Variants in TINAG observed in about 807,000 individuals in gnomAD.
The protein encoded by TINAG is tubulointerstitial nephritis antigen.
A neutral mutation model predicts 72.7 loss-of-function variants in TINAG; 83 were observed. The ratio of observed to expected loss-of-function variants is 1.14; its 90% CI spans 0.96 to 1.37. The LOEUF is 1.37. TINAG is among the 40% of genes most tolerant of loss of function. The probability of loss-of-function intolerance (pLI) is 0.00; values close to 1 mark genes in which losing one functional copy is unlikely to be tolerated. For synonymous variants in TINAG, 234 were observed against 189.9 expected (o/e 1.23, Z -1.91); for missense variants, 685 against 576.6 (o/e 1.19, Z -1.93).
intron 1 of TINAG, among the ~76,000 whole-genome samples, chr6:54,319,649 C>T (rs1347992154): frequency 1.3e-5 from 2 of 152,064 alleles, no homozygotes; most frequent in African/African-American, 4.8e-5. Context: ...GGCTTTGTAA[C>T]ATTATGGCTA....
chr6:54,323,413 T>C (rs1784536390), intron 3 of TINAG, among the ~76,000 whole-genome samples: 1 of 152,220 alleles, frequency 6.6e-6, no homozygotes, highest in Non-Finnish European at 1.5e-5. Context: ...TGTTTTTATG[T>C]GTAAAAATAT....
rs752620313 is a variant in TINAG, at chr6:54,308,808, C to G, written c.258C>G (p.Phe86Leu). The stretch of plus-strand genomic sequence containing the variant: ...ATGCGTTGTGCTACTGTGATAAATT[C>G]TGTGACAGAGAAAATTCTGATTGCT... ...AANALCYCDK[F>L]CDRENSDCCP... Residue 86 changes from phenylalanine (F) to leucine (L), a missense_variant, in exon 1 of 11, where the codon TTC (phenylalanine) becomes TTG (leucine). Phe to Leu is a conservative substitution (Grantham distance 22, BLOSUM62 0). Transcript: ENST00000259782. 2 of 1,613,814 alleles carry G rather than the reference C, an allele frequency of 1.2e-6. No individual in the cohort carries two copies. The highest frequency in any genetic ancestry group is 2.2e-5 in the South Asian group (2 of 91,084).
intron 1 of TINAG, among the ~76,000 whole-genome samples, chr6:54,319,661 A>C (rs1784445960): frequency 6.6e-6 from 1 of 152,164 alleles, no homozygotes; most frequent in South Asian, 2.1e-4. Context: ...TTATGGCTAG[A>C]AGTTAAACAA....
chr6:54,316,430 C>T (rs1282374974), intron 1 of TINAG, among the ~76,000 whole-genome samples: 1 of 152,108 alleles, frequency 6.6e-6, no homozygotes, highest in African/African-American at 2.4e-5. Context: ...CCATTTCTGA[C>T]ATTTATTATA....
intron 4 of TINAG, among the ~76,000 whole-genome samples, chr6:54,336,141 A>G (rs1784860738): frequency 6.6e-6 from 1 of 152,132 alleles, no homozygotes; most frequent in African/African-American, 2.4e-5. Context: ...CCTTCTGCAC[A>G]AAATGACAAT....
At chr6:54,374,887 T>A (rs954972393) in intron 9 of TINAG, among the ~76,000 whole-genome samples, 1 of 151,874 alleles carries the variant, frequency 6.6e-6, no homozygotes, top group Non-Finnish European at 1.5e-5. Flanking sequence ...TCTTTACATG[T>A]CCACTGTTTT....
intron 6 of TINAG, 149 bp downstream of exon 6, chr6:54,347,666 GTATAC>G: frequency 1.2e-6 from 1 of 838,888 alleles, no homozygotes. Context: ...ACATTTAAAT[GTATAC>G]TATATTTCTT....
intron 9 of TINAG, among the ~76,000 whole-genome samples, chr6:54,375,845 C>A (rs916820444): frequency 6.6e-6 from 1 of 152,136 alleles, no homozygotes; most frequent in Non-Finnish European, 1.5e-5. Flanking sequence ...ATACCCGATG[C>A]TAACACCAGA....
rs115021065 is a variant in TINAG at position 54,381,721 on chromosome 6, T to G, written c.1296+1150T>G. On this transcript the variant is annotated intron_variant, in intron 10 of 10. Transcript: ENST00000259782. ...TAGTTAAAATAAATAAGTTATAAAC[T>G]AGGATATGTTATTTGAATACCTACT... is the stretch of plus-strand genomic sequence containing the variant. Among the ~76,000 whole-genome samples the G allele has an allele frequency of 7.6e-3, 1,163 of 152,238 alleles. 14 individuals carry two copies. The highest frequency in any genetic ancestry group is 0.025 in the African/African-American group (1,047 of 41,556).
intron 8 of TINAG, 115 bp downstream of exon 8, chr6:54,351,512 T>C: frequency 2.3e-6 from 2 of 886,592 alleles, no homozygotes; most frequent in Non-Finnish European, 3.4e-6. Context: ...TTTAAGAGTA[T>C]CCAAAAGGCT....
At chr6:54,361,728 AC>A (rs1441991485) in intron 9 of TINAG, among the ~76,000 whole-genome samples, 9 of 151,684 alleles carry the variant, frequency 5.9e-5, no homozygotes, top group Non-Finnish European at 1.2e-4. Flanking sequence ...CCAAAAGTTA[AC>A]CCTCTTGTAC....
intron 4 of TINAG, among the ~76,000 whole-genome samples, chr6:54,335,380 C>T (rs926513563): frequency 2.0e-5 from 3 of 152,118 alleles, no homozygotes; most frequent in Non-Finnish European, 4.4e-5. Flanking sequence ...TAATAAGTTA[C>T]AACACCTGGA....
intron 10 of TINAG, among the ~76,000 whole-genome samples, chr6:54,382,818 G>A (rs1057004530): frequency 6.6e-6 from 1 of 152,078 alleles, no homozygotes; most frequent in Non-Finnish European, 1.5e-5. Flanking sequence ...TTCTCCATTT[G>A]TTTACAGGAG....
At chr6:54,339,318 T>A (rs1292249158) in intron 4 of TINAG, among the ~76,000 whole-genome samples, 1 of 152,232 alleles carries the variant, frequency 6.6e-6, no homozygotes, top group Non-Finnish European at 1.5e-5. Context: ...CACTTCATTC[T>A]TCTTGTCCTT....
chr6:54,356,334 A>C (rs1341267493), intron 9 of TINAG, among the ~76,000 whole-genome samples: 1 of 151,900 alleles, frequency 6.6e-6, no homozygotes, highest in Non-Finnish European at 1.5e-5. Flanking sequence ...CAGGCATTTA[A>C]GATAAGCCTG....
Position 54,354,534 on chromosome 6 carries a change from A to G in TINAG, c.1148A>G (p.Asp383Gly), listed in dbSNP as rs544311889. ...TTAGCCATAATGCAAGTCCGTGAAG[A>G]TTTCTTCCATTATAAGACAGGGATA... is the stretch of plus-strand genomic sequence containing the variant. ...PVQAIMQVREDFFHYKTGIYR... is the reference protein window; with the variant it reads ...PVQAIMQVREGFFHYKTGIYR... The change falls in exon 9 of 11, where the codon GAT (aspartate) becomes GGT (glycine). Residue 383 changes from aspartate to glycine, a missense_variant. Transcript: ENST00000259782. 4 of 1,606,096 alleles carry G rather than the reference A, an allele frequency of 2.5e-6. No homozygotes were observed. The highest frequency in any genetic ancestry group is 3.4e-6 in the Non-Finnish European group (4 of 1,176,140).
At chr6:54,313,169 A>AT (rs1408557381) in intron 1 of TINAG, among the ~76,000 whole-genome samples, 1 of 152,164 alleles carries the variant, frequency 6.6e-6, no homozygotes, top group African/African-American at 2.4e-5. Context: ...TTAAACATGT[A>AT]TTTTTTTGAA....
At chr6:54,332,144 G>C (rs1209406488) in intron 4 of TINAG, among the ~76,000 whole-genome samples, 3 of 152,218 alleles carry the variant, frequency 2.0e-5, no homozygotes, top group African/African-American at 2.4e-5. Flanking sequence ...AATGAAAAGA[G>C]ATCCCATATA....
chr6:54,310,266 G>A (rs139466717), intron 1 of TINAG, among the ~76,000 whole-genome samples: 41 of 151,742 alleles, frequency 2.7e-4, no homozygotes, highest in African/African-American at 9.2e-4. Flanking sequence ...TTTATTTTTT[G>A]TAAATGTGGG....
Sources: allele counts gnomAD v4.1 joint callset (sites outside exome capture counted in the v4.1 genomes callset), GRCh38; gene constraint gnomAD v4.1.1; transcripts MANE v1.5; gene names NCBI Gene and HGNC (gene_info 2026-07-23, HGNC 2026-07-21).